SH3RF1: variants seen among roughly 807,000 people sequenced by gnomAD.
The protein encoded by SH3RF1 is E3 ubiquitin-protein ligase SH3RF1.
In SH3RF1, 32 loss-of-function variants were observed where a neutral mutation model predicts 74.0. The observed-to-expected ratio is 0.43, with a 90% CI of 0.33 to 0.58. SH3RF1 has a LOEUF of 0.58. Ranked by LOEUF, SH3RF1 falls within the 20% of genes least tolerant of loss-of-function variation. The pLI, the probability that SH3RF1 is intolerant of heterozygous loss-of-function variation, is 0.05. For missense variants in SH3RF1, 954 were observed against 1,130.9 expected (o/e 0.84, Z 2.24); for synonymous variants, 396 against 439.6 (o/e 0.90, Z 1.24).
At chr4:169,198,908 A>T (rs1734864990) in intron 2 of SH3RF1, among the ~76,000 whole-genome samples, 1 of 152,220 alleles carries the variant, frequency 6.6e-6, no homozygotes, top group Admixed American at 6.5e-5. Flanking sequence ...CAAGAGAAAA[A>T]TAATGACCTG....
chr4:169,141,865 T>C (rs1733793304), intron 4 of SH3RF1, among the ~76,000 whole-genome samples: 2 of 147,736 alleles, frequency 1.4e-5, no homozygotes, highest in African/African-American at 5.1e-5. Context: ...CAGGCTGGAG[T>C]GCAGTGGCGT....
At chr4:169,229,622 C>T (rs1401018969) in intron 2 of SH3RF1, among the ~76,000 whole-genome samples, 1 of 152,050 alleles carries the variant, frequency 6.6e-6, no homozygotes, top group Non-Finnish European at 1.5e-5. Context: ...TCCTAACATC[C>T]CTATAAATAA....
chr4:169,205,824 T>A (rs1255253528), intron 2 of SH3RF1, among the ~76,000 whole-genome samples: 1 of 152,204 alleles, frequency 6.6e-6, no homozygotes, highest in Non-Finnish European at 1.5e-5. Context: ...TATAGACATG[T>A]ACAAAACCCA....
intron 2 of SH3RF1, among the ~76,000 whole-genome samples, chr4:169,191,134 T>C (rs961033011): frequency 2.0e-5 from 3 of 152,000 alleles, no homozygotes; most frequent in Admixed American, 2.0e-4. Flanking sequence ...TGGGGAAAAG[T>C]TGAAATAATT....
At chr4:169,260,211 C>A (rs1372931683) in intron 2 of SH3RF1, among the ~76,000 whole-genome samples, 2 of 152,124 alleles carry the variant, frequency 1.3e-5, no homozygotes, top group African/African-American at 4.8e-5. Flanking sequence ...ACTCACATGC[C>A]TTTTTTGAGC....
intron 2 of SH3RF1, among the ~76,000 whole-genome samples, chr4:169,162,077 G>C (rs191088316): frequency 1.3e-3 from 198 of 152,176 alleles, no homozygotes; most frequent in Non-Finnish European, 2.5e-3. Flanking sequence ...TTGCGAGGCT[G>C]AGGCAGTAGG....
intron 2 of SH3RF1, among the ~76,000 whole-genome samples, chr4:169,183,926 A>G (rs2126980628): frequency 1.3e-5 from 2 of 152,356 alleles, no homozygotes; most frequent in South Asian, 4.1e-4. Context: ...TACAAAGATA[A>G]AGCTGACAGA....
intron 2 of SH3RF1, among the ~76,000 whole-genome samples, chr4:169,184,512 T>C (rs1435491576): frequency 6.6e-6 from 1 of 152,320 alleles, no homozygotes; most frequent in East Asian, 1.9e-4. Context: ...GGAGGATAGC[T>C]ATTCCTTTCC....
intron 2 of SH3RF1, among the ~76,000 whole-genome samples, chr4:169,205,567 T>A (rs1730240975): frequency 6.6e-6 from 1 of 152,208 alleles, no homozygotes; most frequent in Admixed American, 6.5e-5. Context: ...ACTGAGCATA[T>A]CCTTCTTGGG....
At chr4:169,254,496 A>C (rs926286103) in intron 2 of SH3RF1, among the ~76,000 whole-genome samples, 4 of 152,202 alleles carry the variant, frequency 2.6e-5, no homozygotes, top group Admixed American at 2.6e-4. Flanking sequence ...GCATTTTTCA[A>C]TTCCTGTTGA....
chr4:169,151,955 G>A (rs182240482), intron 4 of SH3RF1, among the ~76,000 whole-genome samples: 2 of 152,244 alleles, frequency 1.3e-5, no homozygotes, highest in East Asian at 3.9e-4. Context: ...ATCCAAACTT[G>A]AATGAATGAG....
At chr4:169,129,981 A>G in intron 6 of SH3RF1, 65 bp downstream of exon 6, 2 of 1,250,360 alleles carry the variant, frequency 1.6e-6, no homozygotes, top group Non-Finnish European at 2.3e-6. Flanking sequence ...TAGGAGGTGG[A>G]GTGTGCCAGA....
chr4:169,236,701 T>C (rs1450651063), intron 2 of SH3RF1, among the ~76,000 whole-genome samples: 2 of 152,354 alleles, frequency 1.3e-5, no homozygotes, highest in Non-Finnish European at 2.9e-5. Context: ...GAAATTCTCA[T>C]GTAAGCTAAC....
intron 1 of SH3RF1, 143 bp downstream of exon 1, chr4:169,270,716 G>C (rs942555023): frequency 6.6e-6 from 1 of 152,186 alleles, no homozygotes; most frequent in Non-Finnish European, 1.5e-5. Flanking sequence ...CCTGATTCCC[G>C]GCCCACGGGG....
At chr4:169,120,736 G>T in intron 8 of SH3RF1, 83 bp downstream of exon 8, 1 of 1,434,838 alleles carries the variant, frequency 7.0e-7, no homozygotes, top group Non-Finnish European at 9.5e-7. Flanking sequence ...TAATGTGAAA[G>T]GAATCTGGAT....
At chr4:169,117,463 T>A in intron 9 of SH3RF1, 60 bp downstream of exon 9, 1 of 1,580,960 alleles carries the variant, frequency 6.3e-7, no homozygotes, top group Non-Finnish European at 8.6e-7. Flanking sequence ...TCATAAAAGA[T>A]CTACTATTAG....
intron 2 of SH3RF1, among the ~76,000 whole-genome samples, chr4:169,233,235 C>A (rs576040176): frequency 9.3e-6 from 1 of 107,148 alleles, no homozygotes. Flanking sequence ...GGCAACAGAG[C>A]AAGACTCCAT....
chr4:169,130,454 C>T (rs1183084228), intron 5 of SH3RF1, among the ~76,000 whole-genome samples: 4 of 152,160 alleles, frequency 2.6e-5, no homozygotes, highest in Admixed American at 1.3e-4. Flanking sequence ...TTTGGTACGC[C>T]ACCATGAATC....
intron 11 of SH3RF1, among the ~76,000 whole-genome samples, chr4:169,103,821 TAAAA>T: frequency 6.6e-6 from 1 of 152,342 alleles, no homozygotes; most frequent in South Asian, 2.1e-4. Flanking sequence ...ATATGGATTA[TAAAA>T]ATATAAACTT....
Sources: gnomAD v4.1 joint callset for allele counts (sites outside exome capture counted in the v4.1 genomes callset) on GRCh38, gnomAD v4.1.1 for gene constraint, MANE v1.5 for transcripts, NCBI Gene and HGNC (gene_info 2026-07-23, HGNC 2026-07-21) for gene names.